Variants in PTCHD4 observed in about 807,000 individuals in gnomAD.
The protein encoded by PTCHD4 is patched domain containing 4, also known as patched domain-containing protein 4.
A neutral mutation model predicts 58.1 loss-of-function variants in PTCHD4; 33 were observed. The ratio of observed to expected loss-of-function variants is 0.57; its 90% CI spans 0.43 to 0.76. The LOEUF (loss-of-function observed/expected upper bound fraction) is 0.76, where lower values mean the gene tolerates loss of function less well. Among genes scored for constraint, PTCHD4 ranks in the 30% least tolerant of loss-of-function variants. The pLI is 0.00. For missense variants in PTCHD4, 1,058 were observed against 1,027.1 expected (o/e 1.03, Z -0.41); for synonymous variants, 478 against 409.6 (o/e 1.17, Z -2.02).
chr6:47,953,387 G>A (rs1187376209), intron 4 of PTCHD4, among the ~76,000 whole-genome samples: 2 of 152,116 alleles, frequency 1.3e-5, no homozygotes, highest in Non-Finnish European at 2.9e-5. Flanking sequence ...GAGTTTAGAT[G>A]AGATTTTAAT....
intron 4 of PTCHD4, among the ~76,000 whole-genome samples, chr6:47,896,327 C>G (rs969276930): frequency 7.9e-5 from 12 of 152,202 alleles, no homozygotes; most frequent in African/African-American, 2.9e-4. Context: ...AAACCCGTTT[C>G]TCTCTTATGA....
At chr6:48,097,741 A>G (rs1050670416) in intron 1 of PTCHD4, among the ~76,000 whole-genome samples, 11 of 152,248 alleles carry the variant, frequency 7.2e-5, no homozygotes, top group African/African-American at 2.4e-4. Context: ...TTATAAGAAC[A>G]AACAGAGAGA....
intron 4 of PTCHD4, among the ~76,000 whole-genome samples, chr6:47,946,445 T>G (rs1331357381): frequency 3.9e-5 from 6 of 152,288 alleles, no homozygotes; most frequent in African/African-American, 1.4e-4. Context: ...AAGGATCCTC[T>G]TTATCTCTTA....
At chr6:47,909,634 G>T (rs747985428) in intron 4 of PTCHD4, among the ~76,000 whole-genome samples, 3 of 151,906 alleles carry the variant, frequency 2.0e-5, no homozygotes, top group Non-Finnish European at 4.4e-5. Flanking sequence ...GTAGAGACAG[G>T]GTATCACTAT....
intron 4 of PTCHD4, among the ~76,000 whole-genome samples, chr6:47,895,234 G>A (rs1042246270): frequency 6.6e-6 from 1 of 152,198 alleles, no homozygotes; most frequent in Non-Finnish European, 1.5e-5. Flanking sequence ...AGGGAAAGAT[G>A]AGCTTGGCCA....
At position 48,033,894 on chromosome 6, in the gene PTCHD4, G is replaced by A. The variant is rs76791101; in HGVS notation, c.418-24780C>T. Among the ~76,000 whole-genome samples, 332 of 152,116 alleles carry A rather than the reference G, an allele frequency of 2.2e-3. 7 individuals are homozygous for A. The East Asian group carries it at 0.056, about 26-fold the overall frequency. On this transcript the variant is annotated intron_variant, in intron 3 of 4. Transcript: ENST00000339488. ...TGATAATGTGTTAGACAATAGGGTT[G>A]GGAGCACCATTTTATGGAAAATTAT... is the stretch of plus-strand genomic sequence containing the variant.
At chr6:47,891,307 G>A (rs1764375084) in intron 4 of PTCHD4, among the ~76,000 whole-genome samples, 1 of 151,408 alleles carries the variant, frequency 6.6e-6, no homozygotes, top group East Asian at 2.0e-4. Flanking sequence ...GGTGCTGCCA[G>A]GAGTTGTTCT....
chr6:48,004,275 C>A (rs530685759), intron 4 of PTCHD4, among the ~76,000 whole-genome samples: 2 of 152,094 alleles, frequency 1.3e-5, no homozygotes, highest in African/African-American at 4.8e-5. Flanking sequence ...TTGCAAAAAA[C>A]GAGTCATCAC....
chr6:48,062,036 A>T (rs1764647224), intron 3 of PTCHD4, among the ~76,000 whole-genome samples: 1 of 152,230 alleles, frequency 6.6e-6, no homozygotes. Context: ...GGTCTGGGCA[A>T]AAGCTGGTCA....
chr6:48,019,592 T>C (rs1242888460), intron 3 of PTCHD4, among the ~76,000 whole-genome samples: 2 of 151,872 alleles, frequency 1.3e-5, no homozygotes, highest in African/African-American at 2.4e-5. Context: ...AAAAATTAGC[T>C]GGGCGTGGTG....
At chr6:47,885,748 A>G (rs1163433052) in intron 4 of PTCHD4, among the ~76,000 whole-genome samples, 1 of 152,208 alleles carries the variant, frequency 6.6e-6, no homozygotes, top group Non-Finnish European at 1.5e-5. Context: ...GTAAGCTTCC[A>G]TATTGTAATT....
chr6:48,053,422 G>A (rs1007060383), intron 3 of PTCHD4, among the ~76,000 whole-genome samples: 2 of 152,022 alleles, frequency 1.3e-5, no homozygotes, highest in African/African-American at 4.8e-5. Flanking sequence ...TAAATTAGTT[G>A]CAAAATCACA....
At position 48,009,484 on chromosome 6, in the gene PTCHD4, AG is replaced by A. The variant is rs1226561258; in HGVS notation, c.418-371del. 9.2e-5 allele frequency among the ~76,000 whole-genome samples: 14 copies of A among 152,348 alleles called. No homozygotes were observed. The East Asian group carries it at 2.7e-3, about 29-fold the overall frequency. On this transcript the variant is annotated intron_variant, in intron 3 of 4. Transcript: ENST00000339488. ...GTTTTATGATTCAGTTTCAGCCAAA[AG>A]TAAAGCTTGCCATGAATTAATAATA... is the stretch of plus-strand genomic sequence containing the variant.
intron 4 of PTCHD4, among the ~76,000 whole-genome samples, chr6:48,002,643 AG>A (rs1768779334): frequency 6.6e-6 from 1 of 152,006 alleles, no homozygotes; most frequent in Admixed American, 6.6e-5. Flanking sequence ...TAGCATTAGG[AG>A]ATATACCTAA....
chr6:47,895,117 AG>A (rs1764494232), intron 4 of PTCHD4, among the ~76,000 whole-genome samples: 1 of 150,568 alleles, frequency 6.6e-6, no homozygotes, highest in African/African-American at 2.4e-5. Context: ...CCTCGGCGAC[AG>A]AGTGAGATTC....
rs1763462091 is a variant in PTCHD4, at chr6:47,862,767, CA to C, written c.*15535del. Among the ~76,000 whole-genome samples the C allele has an allele frequency of 6.6e-6, 1 of 151,780 alleles. No homozygotes were observed. The highest frequency in any genetic ancestry group is 2.1e-4 in the South Asian group (1 of 4,826). On this transcript the variant is annotated 3_prime_UTR_variant, in exon 5 of 5. Coordinates refer to ENST00000339488, the MANE Select transcript of PTCHD4 (RefSeq NM_001384253.1). Reference sequence around the variant, plus strand: ...ATAAGAACTGATTTCCACACAGACCCATTAATACTGTTTCCTTTGGAATTGT... The same window carrying C: ...ATAAGAACTGATTTCCACACAGACCCTTAATACTGTTTCCTTTGGAATTGT...
At chr6:47,986,798 A>G (rs1031119254) in intron 4 of PTCHD4, among the ~76,000 whole-genome samples, 5 of 152,238 alleles carry the variant, frequency 3.3e-5, no homozygotes, top group South Asian at 2.1e-4. Flanking sequence ...ATGTGCATAC[A>G]TCAAGTTGTA....
chr6:47,939,802 AT>A (rs1766140366), intron 4 of PTCHD4, among the ~76,000 whole-genome samples: 1 of 152,108 alleles, frequency 6.6e-6, no homozygotes, highest in South Asian at 2.1e-4. Context: ...TTTACCTGTT[AT>A]TTATTAAACA....
At chr6:48,107,456 G>C (rs1022527177) in intron 1 of PTCHD4, among the ~76,000 whole-genome samples, 3 of 152,174 alleles carry the variant, frequency 2.0e-5, no homozygotes, top group African/African-American at 7.2e-5. Context: ...AATTCAAGAT[G>C]TATTAAAGAC....
Sources: allele counts gnomAD v4.1 joint callset (sites outside exome capture counted in the v4.1 genomes callset), GRCh38; gene constraint gnomAD v4.1.1; transcripts MANE v1.5; gene names NCBI Gene and HGNC (gene_info 2026-07-23, HGNC 2026-07-21).